The following PDGFD variants were observed in gnomAD, a reference collection of about 807,000 sequenced individuals.
PDGFD encodes platelet-derived growth factor D.
PDGFD carries 30 observed loss-of-function variants against 44.7 expected under a neutral mutation model. The ratio of observed to expected loss-of-function variants is 0.67; its 90% CI spans 0.50 to 0.91. PDGFD has a LOEUF of 0.91. Among genes scored for constraint, PDGFD ranks in the 40% least tolerant of loss-of-function variants. The probability of loss-of-function intolerance (pLI) is 0.00; values close to 1 mark genes in which losing one functional copy is unlikely to be tolerated. For synonymous variants in PDGFD, 173 were observed against 168.4 expected (o/e 1.03, Z -0.21); for missense variants, 445 against 457.8 (o/e 0.97, Z 0.25).
At chr11:104,131,801 TAAAAAAAAAAAAAAA>T (rs55959221) in intron 1 of PDGFD, among the ~76,000 whole-genome samples, 1 of 70,960 alleles carries the variant, frequency 1.4e-5, no homozygotes, top group Admixed American at 1.9e-4. Context: ...CAATGAACTG[TAAAAAAAAAAAAAAA>T]AAAAAAAAAA....
chr11:104,127,380 T>C (rs1267071064), intron 1 of PDGFD, among the ~76,000 whole-genome samples: 1 of 152,068 alleles, frequency 6.6e-6, no homozygotes, highest in Non-Finnish European at 1.5e-5. Context: ...CAGGTGATTC[T>C]AATATGCAAC....
intron 1 of PDGFD, among the ~76,000 whole-genome samples, chr11:104,144,240 C>A (rs1862128287): frequency 6.6e-6 from 1 of 152,042 alleles, no homozygotes; most frequent in African/African-American, 2.4e-5. Context: ...CAATTACAGC[C>A]ATTATATTTA....
chr11:103,985,690 G>C (rs1447756183), intron 3 of PDGFD, among the ~76,000 whole-genome samples: 1 of 149,246 alleles, frequency 6.7e-6, no homozygotes, highest in African/African-American at 2.6e-5. Context: ...AGGGAGAATT[G>C]AAACTAGAAT....
Position 104,000,263 on chromosome 11 carries a change from T to G in PDGFD, c.125-8A>C. Reference sequence around the variant, plus strand: ...CTGTGAGGTGATTGCTCTCTGTTAGTAGTCACAACTTGTAGAAATTAGTAT... The same window carrying G: ...CTGTGAGGTGATTGCTCTCTGTTAGGAGTCACAACTTGTAGAAATTAGTAT... On this transcript the variant is annotated splice_region_variant and splice_polypyrimidine_tract_variant and intron_variant, in intron 1 of 6. Coordinates refer to ENST00000393158, the MANE Select transcript of PDGFD (RefSeq NM_025208.5). 1 of 1,609,216 alleles carries G rather than the reference T, an allele frequency of 6.2e-7. No individual in the cohort carries two copies. The highest frequency in any genetic ancestry group is 8.5e-7 in the Non-Finnish European group (1 of 1,175,938).
intron 1 of PDGFD, among the ~76,000 whole-genome samples, chr11:104,118,419 C>G (rs1737867628): frequency 6.6e-6 from 1 of 151,810 alleles, no homozygotes; most frequent in Admixed American, 6.6e-5. Flanking sequence ...CTTCGACTTC[C>G]CAGCATACAG....
rs571686979 is a variant in PDGFD, at chr11:104,119,960, T to C, written c.124+43844A>G. Reference sequence around the variant, plus strand: ...ATTATATAATATATAAGTTATTATATATTTATATTACATAGTATCATAATT... The same window carrying C: ...ATTATATAATATATAAGTTATTATACATTTATATTACATAGTATCATAATT... On this transcript the variant is annotated intron_variant, in intron 1 of 6. Transcript: ENST00000393158. 9.9e-3 allele frequency among the ~76,000 whole-genome samples: 1,395 copies of C among 140,330 alleles called. 25 individuals are homozygous for C. The highest frequency in any genetic ancestry group is 0.035 in the African/African-American group (1,322 of 38,286). 92.1% of individuals were successfully genotyped at this position (140,330 alleles called of 152,430 possible).
chr11:103,981,503 C>T (rs1859272749), intron 3 of PDGFD, among the ~76,000 whole-genome samples: 1 of 151,450 alleles, frequency 6.6e-6, no homozygotes, highest in South Asian at 2.1e-4. Context: ...GTACCAAACC[C>T]GTATATTTTA....
At chr11:104,005,837 T>C (rs1859694244) in intron 1 of PDGFD, among the ~76,000 whole-genome samples, 1 of 152,196 alleles carries the variant, frequency 6.6e-6, no homozygotes, top group African/African-American at 2.4e-5. Flanking sequence ...GCTGTTAAAC[T>C]ACAAAAATAG....
intron 1 of PDGFD, among the ~76,000 whole-genome samples, chr11:104,148,607 T>C (rs1487835823): frequency 6.6e-6 from 1 of 152,194 alleles, no homozygotes; most frequent in African/African-American, 2.4e-5. Flanking sequence ...AACTTTTATT[T>C]TAAGCTCAGG....
At chr11:104,151,033 A>C (rs559584756) in intron 1 of PDGFD, among the ~76,000 whole-genome samples, 2 of 152,282 alleles carry the variant, frequency 1.3e-5, no homozygotes, top group African/African-American at 4.8e-5. Context: ...ATTTTTATTA[A>C]AGTTGGATGA....
At chr11:104,111,385 C>T (rs903061894) in intron 1 of PDGFD, among the ~76,000 whole-genome samples, 1 of 151,614 alleles carries the variant, frequency 6.6e-6, no homozygotes, top group Admixed American at 6.6e-5. Context: ...AACTCAGCCT[C>T]CAGAGAAGCT....
chr11:104,151,659 G>T (rs1862247484), intron 1 of PDGFD, among the ~76,000 whole-genome samples: 1 of 152,068 alleles, frequency 6.6e-6, no homozygotes, highest in African/African-American at 2.4e-5. Flanking sequence ...CTACAAATTT[G>T]CTTTTATGTT....
intron 1 of PDGFD, among the ~76,000 whole-genome samples, chr11:104,078,361 C>G (rs1295060109): frequency 2.0e-5 from 3 of 152,172 alleles, no homozygotes; most frequent in Admixed American, 2.0e-4. Context: ...CACCCATCAA[C>G]ACTATGTCTA....
chr11:104,032,294 CAAAT>C (rs1307932983), intron 1 of PDGFD, among the ~76,000 whole-genome samples: 2 of 152,012 alleles, frequency 1.3e-5, no homozygotes, highest in African/African-American at 4.8e-5. Context: ...TACTGTAAAG[CAAAT>C]AAAAGAATTA....
intron 1 of PDGFD, among the ~76,000 whole-genome samples, chr11:104,110,779 G>C (rs1861542921): frequency 6.6e-6 from 1 of 152,112 alleles, no homozygotes; most frequent in Non-Finnish European, 1.5e-5. Flanking sequence ...AGGAGGTTAA[G>C]TGTTGGGTCT....
intron 1 of PDGFD, among the ~76,000 whole-genome samples, chr11:104,020,343 G>C (rs1859931016): frequency 6.6e-6 from 1 of 152,006 alleles, no homozygotes; most frequent in Non-Finnish European, 1.5e-5. Context: ...ACTCCACAAA[G>C]TATGACCTGA....
chr11:104,071,802 T>G (rs1426285481), intron 1 of PDGFD, among the ~76,000 whole-genome samples: 3 of 151,730 alleles, frequency 2.0e-5, no homozygotes, highest in Non-Finnish European at 4.4e-5. Flanking sequence ...CTTAATTTAT[T>G]TTTTACTTTG....
chr11:104,153,641 T>C (rs1001214235), intron 1 of PDGFD, among the ~76,000 whole-genome samples: 2 of 152,118 alleles, frequency 1.3e-5, no homozygotes, highest in African/African-American at 4.8e-5. Flanking sequence ...AGGATTAATA[T>C]GATTAAGGAA....
chr11:104,070,909 GACAA>G (rs201082104), intron 1 of PDGFD, among the ~76,000 whole-genome samples: 22 of 152,108 alleles, frequency 1.4e-4, no homozygotes, highest in South Asian at 6.2e-4. Flanking sequence ...ATAAATTTCT[GACAA>G]ACAGACTGCG....
Sources: allele counts gnomAD v4.1 joint callset (sites outside exome capture counted in the v4.1 genomes callset), GRCh38; gene constraint gnomAD v4.1.1; transcripts MANE v1.5; gene names NCBI Gene and HGNC (gene_info 2026-07-23, HGNC 2026-07-21).